Variants in EFHC2 observed in about 807,000 individuals in gnomAD.
EFHC2 encodes the protein EF-hand domain containing 2, also known as EF-hand domain-containing family member C2.
EFHC2 carries 18 observed loss-of-function variants against 52.7 expected under a neutral mutation model. The observed-to-expected ratio is 0.34, with a 90% CI of 0.24 to 0.51. The LOEUF is 0.51. Among genes scored for constraint, EFHC2 ranks in the 20% least tolerant of loss-of-function variants. The pLI, the probability that EFHC2 is intolerant of heterozygous loss-of-function variation, is 0.97. For missense variants in EFHC2, 513 were observed against 562.5 expected, an observed-to-expected ratio of 0.91 and a Z score of 0.89; for synonymous variants, 203 against 204.1, an observed-to-expected ratio of 0.99 and a Z score of 0.04.
chrX:44,242,184 T>C lies in EFHC2; in HGVS notation c.1217A>G (p.Asn406Ser). The C allele has an allele frequency of 2.5e-6, 3 of 1,208,654 alleles. No homozygotes were observed. Among genetic ancestry groups the C allele is most frequent in the Non-Finnish European group, 3.4e-6 (3 of 893,919 alleles). Residue 406 changes from asparagine to serine, a missense_variant, in exon 8 of 15, where the codon AAC (asparagine) becomes AGC (serine). Coordinates refer to ENST00000420999, the MANE Select transcript of EFHC2 (RefSeq NM_025184.4). ...AGGTGTGGGCTTGAGGTCTATGCAGTTACGGAGAGAATCCTCTTCAGAACC... is the reference window on the plus strand; with the variant it reads ...AGGTGTGGGCTTGAGGTCTATGCAGCTACGGAGAGAATCCTCTTCAGAACC... ...GFGSEEDSLR[N>S]CIDLKPTPHR...
intron 12 of EFHC2, among the ~76,000 whole-genome samples, chrX:44,177,083 T>G (rs1054417698): frequency 4.5e-5 from 5 of 111,734 alleles, no homozygotes; most frequent in African/African-American, 1.6e-4. Context: ...TGGAAGAACC[T>G]CAGGCTATCT....
chrX:44,199,167 C>A (rs2036988344), intron 11 of EFHC2, among the ~76,000 whole-genome samples: 1 of 112,757 alleles, frequency 8.9e-6, no homozygotes, highest in Non-Finnish European at 1.9e-5. Context: ...TCAGCGCCAT[C>A]CCCTCAGTGA....
intron 14 of EFHC2, among the ~76,000 whole-genome samples, chrX:44,162,494 G>C (rs963190633): frequency 9.0e-6 from 1 of 111,189 alleles, no homozygotes; most frequent in African/African-American, 3.3e-5. Flanking sequence ...TGTCTTCCTT[G>C]AAGTTAGTCA....
intron 1 of EFHC2, among the ~76,000 whole-genome samples, chrX:44,328,758 A>G (rs950430131): frequency 9.0e-6 from 1 of 111,141 alleles, no homozygotes; most frequent in African/African-American, 3.3e-5. Flanking sequence ...CATAGGGTGT[A>G]ACCTTTGTAA....
chrX:44,158,418 C>T (rs991158824), intron 14 of EFHC2, among the ~76,000 whole-genome samples: 1 of 111,089 alleles, frequency 9.0e-6, no homozygotes, highest in African/African-American at 3.3e-5. Flanking sequence ...CCAGCCTGTC[C>T]GGCTCATATA....
chrX:44,223,245 G>C (rs756343789), intron 11 of EFHC2, among the ~76,000 whole-genome samples: 9 of 112,521 alleles, frequency 8.0e-5, no homozygotes, highest in Non-Finnish European at 1.1e-4. Flanking sequence ...GCCACGTTTG[G>C]TGTCAAAGGA....
chrX:44,231,249 G>C (rs2037274235), intron 10 of EFHC2, among the ~76,000 whole-genome samples: 1 of 111,811 alleles, frequency 8.9e-6, no homozygotes, highest in Admixed American at 9.5e-5. Context: ...GATTCACACA[G>C]AGTTCACAGG....
At chrX:44,291,572 T>A (rs986585721) in intron 2 of EFHC2, among the ~76,000 whole-genome samples, 1 of 112,193 alleles carries the variant, frequency 8.9e-6, no homozygotes, top group East Asian at 2.8e-4. Flanking sequence ...TTATGATGCA[T>A]GAAAATGGAA....
At chrX:44,220,958 A>C (rs1183958945) in intron 11 of EFHC2, among the ~76,000 whole-genome samples, 1 of 111,964 alleles carries the variant, frequency 8.9e-6, no homozygotes, top group Non-Finnish European at 1.9e-5. Context: ...AAATGAGAGT[A>C]CCTGTTACCA....
chrX:44,170,209 G>A (rs1396539527), intron 13 of EFHC2, among the ~76,000 whole-genome samples: 2 of 111,224 alleles, frequency 1.8e-5, no homozygotes, highest in East Asian at 5.7e-4. Context: ...AGAAAGAAGT[G>A]CTACTAGTCA....
At chrX:44,186,948 T>C (rs1176117246) in intron 11 of EFHC2, among the ~76,000 whole-genome samples, 2 of 107,067 alleles carry the variant, frequency 1.9e-5, no homozygotes, top group Non-Finnish European at 3.8e-5. Context: ...TGAGACTCCA[T>C]CTCTACCAAA....
intron 2 of EFHC2, among the ~76,000 whole-genome samples, chrX:44,303,249 C>T (rs894382796): frequency 7.2e-5 from 8 of 111,158 alleles, no homozygotes; most frequent in Non-Finnish European, 1.1e-4. Context: ...CGTGACGGAT[C>T]AAGACAAAAC....
chrX:44,194,361 G>A, intron 11 of EFHC2, among the ~76,000 whole-genome samples: 1 of 111,357 alleles, frequency 9.0e-6, no homozygotes. Context: ...CAAGTTACCC[G>A]GCTACGTTTT....
intron 2 of EFHC2, among the ~76,000 whole-genome samples, chrX:44,292,812 TGTGAAGTGCCTCACTCC>T (rs2037801757): frequency 9.1e-6 from 1 of 109,691 alleles, no homozygotes; most frequent in Non-Finnish European, 1.9e-5. Flanking sequence ...GCTCCAGCCA[TGTGAAGTGCCTCACTCC>T]CCCTTTGCCT....
intron 10 of EFHC2, among the ~76,000 whole-genome samples, chrX:44,230,233 G>T (rs775192192): frequency 1.8e-5 from 2 of 111,408 alleles, no homozygotes; most frequent in African/African-American, 6.5e-5. Context: ...GCAAGGCTGG[G>T]TATCAAAGAT....
At chrX:44,310,294 C>CT in intron 2 of EFHC2, 1 of 892,473 alleles carries the variant, frequency 1.1e-6, no homozygotes, top group East Asian at 3.3e-5. Flanking sequence ...GGGGCAGCTG[C>CT]TTTAGTTTTC....
At chrX:44,273,990 T>C (rs2037636596) in intron 2 of EFHC2, among the ~76,000 whole-genome samples, 1 of 112,083 alleles carries the variant, frequency 8.9e-6, no homozygotes, top group African/African-American at 3.2e-5. Context: ...CAGGAGTGTT[T>C]AGCATATTTT....
chrX:44,264,312 A>T lies in EFHC2; in HGVS notation c.383-3014T>A, dbSNP rs191041776. On this transcript the variant is annotated intron_variant, in intron 3 of 14. Coordinates refer to ENST00000420999, the MANE Select transcript of EFHC2 (RefSeq NM_025184.4). Reference sequence around the variant, plus strand: ...AGCTACCAGCCACCATGAAAAGAAAAGAGAGATGAAGCTGCTCTTCCGAAA... The same window carrying T: ...AGCTACCAGCCACCATGAAAAGAAATGAGAGATGAAGCTGCTCTTCCGAAA... 2.7e-5 allele frequency among the ~76,000 whole-genome samples: 3 copies of T among 111,959 alleles called. No individual in the cohort carries two copies. In the East Asian group the frequency reaches 8.5e-4, roughly 32 times the overall value.
At chrX:44,224,635 G>A (rs1225088189) in intron 11 of EFHC2, among the ~76,000 whole-genome samples, 4 of 112,400 alleles carry the variant, frequency 3.6e-5, no homozygotes, top group Non-Finnish European at 5.6e-5. Flanking sequence ...AACTGATAAC[G>A]GGGACCTGAA....
Sources: allele counts gnomAD v4.1 joint callset (sites outside exome capture counted in the v4.1 genomes callset), GRCh38; gene constraint gnomAD v4.1.1; transcripts MANE v1.5; gene names NCBI Gene and HGNC (gene_info 2026-07-23, HGNC 2026-07-21).